The following STIM2 variants were observed in gnomAD, a reference collection of about 807,000 sequenced individuals.
STIM2 encodes the protein stromal interaction molecule 2.
Under a neutral mutation model 85.8 loss-of-function variants are expected in STIM2, and 31 were observed. The observed-to-expected ratio is 0.36, with a 90% CI of 0.27 to 0.49. The LOEUF (loss-of-function observed/expected upper bound fraction) is 0.49. STIM2 is among the 20% of genes least tolerant of loss of function. STIM2 has a pLI of 0.98. For synonymous variants in STIM2, 356 were observed against 331.1 expected, an observed-to-expected ratio of 1.08 and a Z score of -0.82; for missense variants, 841 against 927.6, an observed-to-expected ratio of 0.91 and a Z score of 1.21.
chr4:27,021,154 A>G (rs781724250), intron 11 of STIM2: 100 of 1,268,774 alleles, frequency 7.9e-5, no homozygotes, highest in Non-Finnish European at 1.0e-4. Context: ...CATCCAACAC[A>G]TTTTTATGAA....
intron 1 of STIM2, among the ~76,000 whole-genome samples, chr4:26,897,610 T>C (rs1723759822): frequency 6.6e-6 from 1 of 152,204 alleles, no homozygotes; most frequent in Non-Finnish European, 1.5e-5. Flanking sequence ...ATAAATATCA[T>C]GACATTTCAC....
At chr4:26,903,661 A>C (rs1253330441) in intron 1 of STIM2, among the ~76,000 whole-genome samples, 1 of 152,212 alleles carries the variant, frequency 6.6e-6, no homozygotes, top group Non-Finnish European at 1.5e-5. Flanking sequence ...ACTAAAGGCT[A>C]GCTCAGCTGA....
At chr4:26,986,413 A>G (rs1257675046) in intron 3 of STIM2, among the ~76,000 whole-genome samples, 2 of 152,202 alleles carry the variant, frequency 1.3e-5, no homozygotes, top group Non-Finnish European at 2.9e-5. Context: ...ATAACAAATG[A>G]AAAGTTATAT....
intron 3 of STIM2, among the ~76,000 whole-genome samples, chr4:26,963,182 T>G (rs1159994890): frequency 6.6e-6 from 1 of 152,116 alleles, no homozygotes; most frequent in African/African-American, 2.4e-5. Context: ...ATAAGTATTT[T>G]ATAAAAGGAA....
intron 3 of STIM2, among the ~76,000 whole-genome samples, chr4:26,988,527 A>G (rs2109119666): frequency 6.6e-6 from 1 of 152,312 alleles, no homozygotes; most frequent in South Asian, 2.1e-4. Context: ...ACCTTATCTG[A>G]TTATTAGGAC....
chr4:26,874,535 T>C (rs778411722), intron 1 of STIM2, among the ~76,000 whole-genome samples: 13 of 152,240 alleles, frequency 8.5e-5, no homozygotes, highest in African/African-American at 1.7e-4. Flanking sequence ...CAAGCAGTTA[T>C]TGTTAATATA....
intron 7 of STIM2, among the ~76,000 whole-genome samples, 181 bp downstream of exon 7, chr4:27,003,285 G>C (rs1167557615): frequency 1.3e-5 from 2 of 152,222 alleles, no homozygotes; most frequent in East Asian, 3.9e-4. Flanking sequence ...TAACACAGTA[G>C]TAACTGAAAG....
At chr4:26,960,150 C>T (rs555179110) in intron 3 of STIM2, among the ~76,000 whole-genome samples, 207 of 152,160 alleles carry the variant, frequency 1.4e-3, no homozygotes, top group Non-Finnish European at 2.1e-3. Context: ...TTGAGTGTGC[C>T]GGGCTCTGCT....
At chr4:26,953,958 G>C (rs1223540573) in intron 2 of STIM2, among the ~76,000 whole-genome samples, 1 of 152,054 alleles carries the variant, frequency 6.6e-6, no homozygotes, top group African/African-American at 2.4e-5. Flanking sequence ...TCTAGGTGAG[G>C]TGTCTGTCAG....
chr4:26,952,631 G>C (rs1187600260), intron 2 of STIM2, among the ~76,000 whole-genome samples: 1 of 152,056 alleles, frequency 6.6e-6, no homozygotes, highest in Non-Finnish European at 1.5e-5. Flanking sequence ...GGAGATTTGA[G>C]ATATCTGTGT....
chr4:26,875,528 A>G lies in STIM2; in HGVS notation c.151+14159A>G, dbSNP rs183701307. ...TTTTCTTTATATTCTAGATTAGTAA[A>G]GGAGTAGGAAGCCTGTATGTGTCTC... On this transcript the variant is annotated intron_variant, in intron 1 of 11. Coordinates refer to ENST00000467087, the MANE Select transcript of STIM2 (RefSeq NM_020860.4). Among the ~76,000 whole-genome samples the G allele has an allele frequency of 2.0e-5, 3 of 152,284 alleles. No individual in the cohort carries two copies. In the East Asian group the frequency reaches 5.8e-4, roughly 29 times the overall value.
intron 11 of STIM2, chr4:27,021,170 T>C (rs1316511266): frequency 2.8e-5 from 30 of 1,069,648 alleles, no homozygotes; most frequent in Admixed American, 6.2e-5. Flanking sequence ...ATGAAGTACC[T>C]ACCGTAAACT....
chr4:26,873,652 G>C, intron 1 of STIM2: 1 of 650,130 alleles, frequency 1.5e-6, no homozygotes, highest in Non-Finnish European at 2.8e-6. Flanking sequence ...ATAAATGAGA[G>C]AGACGCTCAT....
chr4:27,000,452 G>A (rs890164158), intron 5 of STIM2, among the ~76,000 whole-genome samples: 1 of 152,174 alleles, frequency 6.6e-6, no homozygotes, highest in Non-Finnish European at 1.5e-5. Context: ...TGAATCCATT[G>A]GGGGATTGTC....
intron 2 of STIM2, among the ~76,000 whole-genome samples, chr4:26,929,922 T>C (rs1725143389): frequency 6.6e-6 from 1 of 152,008 alleles, no homozygotes; most frequent in Admixed American, 6.6e-5. Context: ...GCAGGCAAAG[T>C]GAGGGTAACA....
At chr4:26,887,124 C>T (rs778496507) in intron 1 of STIM2, among the ~76,000 whole-genome samples, 1 of 150,636 alleles carries the variant, frequency 6.6e-6, no homozygotes, top group Non-Finnish European at 1.5e-5. Flanking sequence ...TGGAACAACC[C>T]GTAGTGTTCA....
chr4:26,949,732 A>C lies in STIM2; in HGVS notation c.283-7880A>C, dbSNP rs531950566. Among the ~76,000 whole-genome samples, 218 of 152,254 alleles carry C rather than the reference A, an allele frequency of 1.4e-3. 2 individuals carry two copies. Among genetic ancestry groups the C allele is most frequent in the Non-Finnish European group, 2.7e-3 (186 of 68,012 alleles). On this transcript the variant is annotated intron_variant, in intron 2 of 11. Coordinates refer to ENST00000467087, the MANE Select transcript of STIM2 (RefSeq NM_020860.4). ...TGTGTATTAACTTAAGCAGGTGCTC[A>C]CAGTTTAATGTGTAAATATTGTATT...
intron 1 of STIM2, among the ~76,000 whole-genome samples, chr4:26,869,164 A>C (rs1416148531): frequency 6.6e-6 from 1 of 151,902 alleles, no homozygotes; most frequent in East Asian, 1.9e-4. Flanking sequence ...GGGCGTGATG[A>C]TGTGCGCCTG....
At chr4:26,966,997 A>C (rs551495374) in intron 3 of STIM2, among the ~76,000 whole-genome samples, 2 of 152,302 alleles carry the variant, frequency 1.3e-5, no homozygotes, top group South Asian at 4.1e-4. Flanking sequence ...CATCGACATT[A>C]ATTCTTTCAG....
Sources: allele counts gnomAD v4.1 joint callset (sites outside exome capture counted in the v4.1 genomes callset), GRCh38; gene constraint gnomAD v4.1.1; transcripts MANE v1.5; gene names NCBI Gene and HGNC (gene_info 2026-07-23, HGNC 2026-07-21).